MUC3A: variants seen among roughly 807,000 people sequenced by gnomAD.
The protein encoded by MUC3A is mucin-3A.
Under a neutral mutation model 109.0 loss-of-function variants are expected in MUC3A, and 109 were observed. The ratio of observed to expected loss-of-function variants is 1.00; its 90% CI spans 0.86 to 1.17. The LOEUF is 1.17. MUC3A is among the 50% of genes most tolerant of loss of function. The pLI is 0.00. For synonymous variants in MUC3A, 1,398 were observed against 981.4 expected (o/e 1.42, Z -7.93); for missense variants, 3,537 against 2,469.4 (o/e 1.43, Z -9.16).
Position 100,965,811 on chromosome 7 carries a change from G to C in MUC3A, c.9556G>C (p.Ala3186Pro). Residue 3186 changes from alanine (A) to proline (P), a missense_variant, in exon 8 of 12, where the codon GCC (alanine) becomes CCC (proline). By Grantham distance (27) the Ala-to-Pro change is conservative. Transcript: ENST00000379458. ...CAAATGCACGTCGGGGGTGGACAAC[G>C]CCATCGACTGTCACCAGGGCCAGTG... ...VTKCTSGVDN[A>P]IDCHQGQCVL... 6.3e-7 allele frequency: 1 copy of C among 1,597,542 alleles called. No homozygotes were observed. Among genetic ancestry groups the C allele is most frequent in the Non-Finnish European group, 8.5e-7 (1 of 1,179,084 alleles).
chr7:100,966,141 A>ACCTTGCCCCCTTCTTCTGGGGTGGAT, intron 8 of MUC3A: 1 of 443,272 alleles, frequency 2.3e-6, no homozygotes, highest in Non-Finnish European at 3.7e-6. Context: ...CTAGGGTTGA[A>ACCTTGCCCCCTTCTTCTGGGGTGGAT]CCCCGCCCCC....
At chr7:100,965,239 T>A (rs1376217174) in intron 6 of MUC3A, 43 bp from the exon 7 acceptor site, 4 of 2,066 alleles carry the variant, frequency 1.9e-3, no homozygotes, top group South Asian at 0.02. Context: ...CCTTAACCCC[T>A]TGATCTGCCC....
rs781395336 is a variant in MUC3A, at chr7:100,959,379, A to T, written c.7600A>T (p.Ser2534Cys). Residue 2534 changes from serine (S) to cysteine (C), a missense_variant, in exon 2 of 12, where the codon AGT becomes TGT. Transcript: ENST00000379458. ...HIISSSPSIQ[S>C]TETSSLVGTT... ...CATTTCATCTTCTCCCTCCATCCAA[A>T]GTACAGAAACCTCATCCCTTGTGGG... 8.7e-5 allele frequency: 134 copies of T among 1,539,024 alleles called. No individual in the cohort carries two copies. The highest frequency in any genetic ancestry group is 5.2e-4 in the Middle Eastern group (3 of 5,742).
chr7:100,964,564 ACG>A, intron 5 of MUC3A, 129 bp from the exon 6 acceptor site: 3 of 1,397,124 alleles, frequency 2.1e-6, no homozygotes, highest in South Asian at 1.6e-5. Context: ...AAAAGGATGC[ACG>A]TGGCATCCCA....
Position 100,957,869 on chromosome 7 carries a change from C to G in MUC3A, c.6090C>G (p.Ile2030Met). 1 of 724,592 alleles carries G rather than the reference C, an allele frequency of 1.4e-6. No individual in the cohort carries two copies. The highest frequency in any genetic ancestry group is 2.5e-5 in the East Asian group (1 of 40,126). 44.9% of individuals were successfully genotyped at this position (724,592 alleles called of 1,614,324 possible). A position where few individuals can be genotyped will look rare whatever the true frequency, so the allele number is the denominator to read the frequency against. ...ATACTCCCAGCTTGACTTCTTCGAT[C>G]ACAACCACCGAGACCACATCCCATA... ...SHNTPSLTSS[I>M]TTTETTSHST... is the part of the protein sequence containing the mutation. The change falls in exon 2 of 12, where the codon ATC (isoleucine) becomes ATG (methionine). Residue 2030 changes from isoleucine (I) to methionine (M), a missense_variant. Physicochemically the swap from Ile to Met is conservative, Grantham distance 10. Coordinates refer to ENST00000379458, the MANE Select transcript of MUC3A (RefSeq NM_005960.2).
Position 100,952,199 on chromosome 7 carries a change from C to T in MUC3A, c.420C>T (p.His140=), listed in dbSNP as rs1791967146. 1 of 1,598,448 alleles carries T rather than the reference C, an allele frequency of 6.3e-7. No individual in the cohort carries two copies. The highest frequency in any genetic ancestry group is 1.1e-5 in the South Asian group (1 of 91,096). Residue 140 remains histidine (H), a synonymous_variant, in exon 2 of 12, where the codon CAC becomes CAT. Coordinates refer to ENST00000379458, the MANE Select transcript of MUC3A (RefSeq NM_005960.2). The part of the protein sequence containing the change: ...YPTSFIITIS[H]PTSICVTTTQ... ...CGAGCTTTATAATCACCATCTCCCA[C>T]CCCACCTCCATCTGTGTGACCACGA...
chr7:100,960,191 A>G lies in MUC3A; in HGVS notation c.8412A>G (p.Thr2804=). 2 of 1,589,828 alleles carry G rather than the reference A, an allele frequency of 1.3e-6. No individual in the cohort carries two copies. The highest frequency in any genetic ancestry group is 1.1e-5 in the South Asian group (1 of 89,848). ...EATSPPTTPL[T]VFPFTTEMVT... Reference sequence around the variant, plus strand: ...CTTCTCCTCCCACCACCCCATTAACAGTCTTTCCCTTTACTACCGAAATGG... The same window carrying G: ...CTTCTCCTCCCACCACCCCATTAACGGTCTTTCCCTTTACTACCGAAATGG... The change falls in exon 2 of 12, where the codon ACA becomes ACG. Residue 2804 remains threonine (T), a synonymous_variant. Coordinates refer to ENST00000379458, the MANE Select transcript of MUC3A (RefSeq NM_005960.2).
chr7:100,966,436 C>T lies in MUC3A; in HGVS notation c.9662C>T (p.Ala3221Val), dbSNP rs868780113. The T allele has an allele frequency of 1.5e-6, 2 of 1,349,288 alleles. No individual in the cohort carries two copies. The highest frequency in any genetic ancestry group is 1.9e-6 in the Non-Finnish European group (2 of 1,057,966). The allele number at this position is 1,349,288 out of a possible 1,614,324, so 83.6% of individuals were successfully genotyped here. ...HWFSGPRCEV[A>V]VHWRALVGGL... ...TTCTCTGGCCCGCGCTGCGAGGTGG[C>T]CGTCCACTGGAGGGCGCTGGTCGGG... Residue 3221 changes from alanine to valine, a missense_variant, in exon 9 of 12, where the codon GCC becomes GTC. Ala to Val is a moderately conservative substitution (Grantham distance 64). Coordinates refer to ENST00000379458, the MANE Select transcript of MUC3A (RefSeq NM_005960.2).
intron 5 of MUC3A, chr7:100,964,163 G>A (rs1186390868): frequency 2.9e-4 from 91 of 318,902 alleles, no homozygotes; most frequent in Admixed American, 2.4e-3. Flanking sequence ...CAGGCCAGAT[G>A]TGGTGGCTCA....
chr7:100,965,050 G>C (rs1792478641), intron 6 of MUC3A: 7 of 1,101,510 alleles, frequency 6.4e-6, no homozygotes, highest in Non-Finnish European at 8.9e-6. Context: ...GAGACCCCCT[G>C]ATTGTCATGG....
intron 1 of MUC3A, among the ~76,000 whole-genome samples, chr7:100,950,754 G>A (rs1057270487): frequency 2.0e-5 from 3 of 152,312 alleles, no homozygotes; most frequent in Non-Finnish European, 4.4e-5. Flanking sequence ...GTTCATGCTT[G>A]TAAACTAATG....
chr7:100,957,792 A>G lies in MUC3A; in HGVS notation c.6013A>G (p.Ser2005Gly). The G allele has an allele frequency of 5.1e-6, 6 of 1,167,518 alleles. No individual in the cohort carries two copies. Among genetic ancestry groups the G allele is most frequent in the Non-Finnish European group, 6.3e-6 (5 of 789,678 alleles). The allele number at this position is 1,167,518 out of a possible 1,614,324, so 72.3% of individuals were successfully genotyped here. A position where few individuals can be genotyped will look rare whatever the true frequency, so the allele number is the denominator to read the frequency against. ...LITTTTTTSH[S>G]TPSFTSSITT... is the part of the protein sequence containing the mutation. Reference sequence around the variant, plus strand: ...CACCACAACCACCACCACCTCACACAGTACTCCCAGCTTCACTTCTTCCAT... The same window carrying G: ...CACCACAACCACCACCACCTCACACGGTACTCCCAGCTTCACTTCTTCCAT... The change falls in exon 2 of 12, where the codon AGT becomes GGT. Residue 2005 changes from serine to glycine, a missense_variant. By Grantham distance (56) the Ser-to-Gly change is moderately conservative. Coordinates refer to ENST00000379458, the MANE Select transcript of MUC3A (RefSeq NM_005960.2).
chr7:100,951,993 G>A lies in MUC3A; in HGVS notation c.214G>A (p.Glu72Lys), dbSNP rs1180672372. 1 of 1,598,668 alleles carries A rather than the reference G, an allele frequency of 6.3e-7. No individual in the cohort carries two copies. Among genetic ancestry groups the A allele is most frequent in the Admixed American group, 1.7e-5 (1 of 60,030 alleles). Residue 72 changes from glutamate (E) to lysine (K), a missense_variant, in exon 2 of 12, where the codon GAA becomes AAA. By Grantham distance (56) the Glu-to-Lys change is moderately conservative. Coordinates refer to ENST00000379458, the MANE Select transcript of MUC3A (RefSeq NM_005960.2). ...CGCCTCTCCTGCTCCTGGCCACAGG[G>A]AAAATGCACCTATGACACTCACTAC... ...QLASPAPGHR[E>K]NAPMTLTTSP... is the part of the protein sequence containing the mutation.
In MUC3A at chr7:100,964,939, G is replaced by C. The variant is rs1262768589; in HGVS notation, c.9382+96G>C. 3 of 1,478,658 alleles carry C rather than the reference G, an allele frequency of 2.0e-6. No homozygotes were observed. The African/African-American group carries it at 4.2e-5, about 21-fold the overall frequency. 91.6% of individuals were successfully genotyped at this position (1,478,658 alleles called of 1,614,324 possible). A position where few individuals can be genotyped will look rare whatever the true frequency, so the allele number is the denominator to read the frequency against. ...GCCACTGGGCTCAGGTGCCAGCCCT[G>C]TGGTACCTCTGGCAGGTTGGGAGAA... is the stretch of plus-strand genomic sequence containing the variant. On this transcript the variant is annotated intron_variant, in intron 6 of 11. Coordinates refer to ENST00000379458, the MANE Select transcript of MUC3A (RefSeq NM_005960.2).
intron 1 of MUC3A, among the ~76,000 whole-genome samples, chr7:100,950,956 A>G (rs1031826574): frequency 2.0e-5 from 3 of 152,318 alleles, no homozygotes; most frequent in South Asian, 2.1e-4. Flanking sequence ...TGAAGTCATT[A>G]GTGTGTGAGC....
At chr7:100,966,976 C>G in intron 11 of MUC3A, 25 bp downstream of exon 11, 1 of 1,598,556 alleles carries the variant, frequency 6.3e-7, no homozygotes, top group Non-Finnish European at 8.5e-7. Flanking sequence ...AGGGGGACCC[C>G]AAGGAACTCT....
chr7:100,964,864 G>A (rs1389258128), intron 6 of MUC3A, 21 bp downstream of exon 6: 4 of 1,590,130 alleles, frequency 2.5e-6, no homozygotes, highest in Non-Finnish European at 2.6e-6. Context: ...GCTGGAGGGA[G>A]GGGCCAGGGC....
At position 100,965,720 on chromosome 7, in the gene MUC3A, C is replaced by G. The variant is rs756804201; in HGVS notation, c.9465C>G (p.Ala3155=). 13 of 1,597,464 alleles carry G rather than the reference C, an allele frequency of 8.1e-6. No homozygotes were observed. The highest frequency in any genetic ancestry group is 1.6e-4 in the Middle Eastern group (1 of 6,074). The stretch of plus-strand genomic sequence containing the variant: ...AACCCCCAGCCATCTGCCGCCGCGC[C>G]GCTCCCACGGGCTATGAAGAGTTCT... ...ELTPAAICRR[A]APTGYEEFYF... The change falls in exon 8 of 12, where the codon GCC becomes GCG. Residue 3155 remains alanine, a synonymous_variant. Coordinates refer to ENST00000379458, the MANE Select transcript of MUC3A (RefSeq NM_005960.2).
Position 100,959,319 on chromosome 7 carries a change from A to C in MUC3A, c.7540A>C (p.Thr2514Pro). The C allele has an allele frequency of 6.4e-7, 1 of 1,568,656 alleles. No homozygotes were observed. The highest frequency in any genetic ancestry group is 2.2e-5 in the East Asian group (1 of 44,724). Reference protein sequence around the residue: ...TTTTDFPSIPTDISTLPTRTH... With the variant: ...TTTTDFPSIPPDISTLPTRTH... Reference sequence around the variant, plus strand: ...AACCACAGACTTTCCCTCTATACCCACTGATATCAGTACCTTACCAACTCG... The same window carrying C: ...AACCACAGACTTTCCCTCTATACCCCCTGATATCAGTACCTTACCAACTCG... Residue 2514 changes from threonine to proline, a missense_variant, in exon 2 of 12, where the codon ACT becomes CCT. Coordinates refer to ENST00000379458, the MANE Select transcript of MUC3A (RefSeq NM_005960.2).
Sources: allele counts gnomAD v4.1 joint callset (sites outside exome capture counted in the v4.1 genomes callset), GRCh38; gene constraint gnomAD v4.1.1; transcripts MANE v1.5; gene names NCBI Gene and HGNC (gene_info 2026-07-23, HGNC 2026-07-21).